The following GRIK4 variants were observed in gnomAD, a reference collection of about 807,000 sequenced individuals.
GRIK4 encodes glutamate ionotropic receptor kainate type subunit 4, also known as glutamate receptor ionotropic, kainate 4.
A neutral mutation model predicts 104.9 loss-of-function variants in GRIK4; 40 were observed. The ratio of observed to expected loss-of-function variants is 0.38; its 90% CI spans 0.30 to 0.50. The LOEUF is 0.50. Ranked by LOEUF, GRIK4 falls within the 20% of genes least tolerant of loss-of-function variation. The probability of loss-of-function intolerance (pLI) is 0.93; values close to 1 mark genes in which losing one functional copy is unlikely to be tolerated. For missense variants in GRIK4, 1,047 were observed against 1,308.1 expected (o/e 0.80, Z 3.08); for synonymous variants, 485 against 524.9 (o/e 0.92, Z 1.04).
At position 120,883,497 on chromosome 11, in the gene GRIK4, G is replaced by A. The variant is rs143200362; in HGVS notation, c.1164+8254G>A. 2.7e-3 allele frequency among the ~76,000 whole-genome samples: 417 copies of A among 152,278 alleles called. 3 individuals are homozygous for A. Among genetic ancestry groups the A allele is most frequent in the African/African-American group, 9.3e-3 (387 of 41,556 alleles). ...AATACTTTCTCCTGTGAGTGAATCA[G>A]GCTCTCCTGTCCACCCCAGGGACAA... On this transcript the variant is annotated intron_variant, in intron 11 of 20. Transcript: ENST00000527524.
At chr11:120,784,886 C>T (rs762882091) in intron 3 of GRIK4, among the ~76,000 whole-genome samples, 7 of 152,208 alleles carry the variant, frequency 4.6e-5, no homozygotes, top group Middle Eastern at 3.4e-3. Context: ...GTGTTCTCAA[C>T]GGCATCTACC....
intron 14 of GRIK4, among the ~76,000 whole-genome samples, chr11:120,942,397 G>A (rs994326264): frequency 6.6e-6 from 1 of 152,182 alleles, no homozygotes; most frequent in Admixed American, 6.5e-5. Flanking sequence ...CAAAAGAAAT[G>A]GAGGCACACA....
At chr11:120,647,802 C>T (rs949496953) in intron 1 of GRIK4, among the ~76,000 whole-genome samples, 1 of 152,214 alleles carries the variant, frequency 6.6e-6, no homozygotes, top group African/African-American at 2.4e-5. Flanking sequence ...GCTGAGTTCC[C>T]GCAGCCTGTT....
Position 120,935,418 on chromosome 11 carries a change from T to C in GRIK4, c.1477-4929T>C, listed in dbSNP as rs193054096. On this transcript the variant is annotated intron_variant, in intron 13 of 20. Transcript: ENST00000527524. ...ATACAAAATTAGCCGGGTGTGGTGG[T>C]GCACACCTGTATTCCCAGCTACTTG... Among the ~76,000 whole-genome samples the C allele has an allele frequency of 2.0e-3, 307 of 151,394 alleles. 4 individuals carry two copies. Among genetic ancestry groups the C allele is most frequent in the African/African-American group, 7.3e-3 (296 of 40,788 alleles).
At chr11:120,537,249 G>GAC (rs1947987127) in intron 1 of GRIK4, among the ~76,000 whole-genome samples, 2 of 152,126 alleles carry the variant, frequency 1.3e-5, no homozygotes, top group Admixed American at 1.3e-4. Flanking sequence ...CTCTTCCATG[G>GAC]TTGCATCGTC....
chr11:120,532,513 T>G (rs1335154704), intron 1 of GRIK4, among the ~76,000 whole-genome samples: 1 of 152,230 alleles, frequency 6.6e-6, no homozygotes, highest in Non-Finnish European at 1.5e-5. Flanking sequence ...TGATTGCCTG[T>G]CAGAGGTTTG....
chr11:120,531,823 G>A lies in GRIK4; in HGVS notation c.-159+19936G>A, dbSNP rs146121986. ...ACTCCTGACCTCAGATGATCCACCC[G>A]CCTTGGTCTCCTAAGGTGCTGGGAT... On this transcript the variant is annotated intron_variant, in intron 1 of 20. Transcript: ENST00000527524. Among the ~76,000 whole-genome samples, 18 of 152,174 alleles carry A rather than the reference G, an allele frequency of 1.2e-4. No individual in the cohort carries two copies. The East Asian group carries it at 3.5e-3, about 29-fold the overall frequency.
rs934112047 is a variant in GRIK4 at position 120,620,116 on chromosome 11, T to C, written c.-158-33569T>C. ...CTCATTGGTTTCGTTCTCAGCAAAA[T>C]TGACCTGGGCCACTCAACATGGCTT... On this transcript the variant is annotated intron_variant, in intron 1 of 20. Coordinates refer to ENST00000527524, the MANE Select transcript of GRIK4 (RefSeq NM_014619.5). The C allele has an allele frequency of 6.4e-6, 5 of 776,522 alleles. No individual in the cohort carries two copies. In the African/African-American group the frequency reaches 6.6e-5, roughly 10 times the overall value. The allele number at this position is 776,522 out of a possible 1,614,324, so 48.1% of individuals were successfully genotyped here.
intron 3 of GRIK4, among the ~76,000 whole-genome samples, chr11:120,741,024 G>A (rs1951319663): frequency 6.6e-6 from 1 of 152,132 alleles, no homozygotes; most frequent in Non-Finnish European, 1.5e-5. Context: ...TGGATAGTGT[G>A]TGTGAGGGGC....
At chr11:120,695,985 C>T (rs111367861) in intron 3 of GRIK4, among the ~76,000 whole-genome samples, 24 of 152,260 alleles carry the variant, frequency 1.6e-4, no homozygotes, top group African/African-American at 5.3e-4. Flanking sequence ...CCAGGGGCCT[C>T]GTGACCTTCT....
At chr11:120,707,480 G>A (rs571366704) in intron 3 of GRIK4, among the ~76,000 whole-genome samples, 1 of 152,340 alleles carries the variant, frequency 6.6e-6, no homozygotes, top group South Asian at 2.1e-4. Context: ...TAACCTCAGA[G>A]TTGCCTTTTG....
chr11:120,934,096 T>C (rs910808500), intron 13 of GRIK4, among the ~76,000 whole-genome samples: 8 of 150,328 alleles, frequency 5.3e-5, no homozygotes, highest in African/African-American at 2.0e-4. Flanking sequence ...TCCCAGCTAC[T>C]CAGGAGGCTG....
intron 5 of GRIK4, among the ~76,000 whole-genome samples, chr11:120,817,159 C>T (rs540520813): frequency 3.3e-5 from 5 of 152,216 alleles, no homozygotes; most frequent in Non-Finnish European, 7.4e-5. Flanking sequence ...TCTCCCCCAC[C>T]ACACAGTCTT....
At chr11:120,536,954 G>C (rs951139124) in intron 1 of GRIK4, among the ~76,000 whole-genome samples, 1 of 152,346 alleles carries the variant, frequency 6.6e-6, no homozygotes, top group Non-Finnish European at 1.5e-5. Context: ...TGAGGCCTAG[G>C]GCGTGCTCCC....
intron 1 of GRIK4, among the ~76,000 whole-genome samples, chr11:120,522,637 C>T (rs984085933): frequency 5.9e-5 from 9 of 152,176 alleles, no homozygotes; most frequent in African/African-American, 2.2e-4. Context: ...GGTCTTTGTT[C>T]TGCACCCTCC....
chr11:120,876,928 G>A (rs1954836851), intron 11 of GRIK4, among the ~76,000 whole-genome samples: 1 of 152,230 alleles, frequency 6.6e-6, no homozygotes, highest in Non-Finnish European at 1.5e-5. Flanking sequence ...TGTCATGTCT[G>A]CCTCCTGCTT....
intron 3 of GRIK4, among the ~76,000 whole-genome samples, chr11:120,697,488 G>A (rs941377538): frequency 3.3e-5 from 5 of 152,174 alleles, no homozygotes; most frequent in Middle Eastern, 3.2e-3. Context: ...GGTGGCATGC[G>A]CCTGTAATCC....
chr11:120,615,683 C>T (rs1949102834), intron 1 of GRIK4, among the ~76,000 whole-genome samples: 2 of 152,204 alleles, frequency 1.3e-5, no homozygotes. Flanking sequence ...CTTCCTGCCC[C>T]TAGGGCCTGG....
intron 4 of GRIK4, among the ~76,000 whole-genome samples, chr11:120,813,377 T>G (rs1365810096): frequency 6.6e-6 from 1 of 152,112 alleles, no homozygotes; most frequent in East Asian, 1.9e-4. Context: ...GATGATGAAC[T>G]TCAAGCACCT....
Sources: gnomAD v4.1 joint callset for allele counts (sites outside exome capture counted in the v4.1 genomes callset) on GRCh38, gnomAD v4.1.1 for gene constraint, MANE v1.5 for transcripts, NCBI Gene and HGNC (gene_info 2026-07-23, HGNC 2026-07-21) for gene names.